Variants in FAM120B observed in about 807,000 individuals in gnomAD.
FAM120B encodes the protein constitutive coactivator of peroxisome proliferator-activated receptor gamma.
In FAM120B, 83 loss-of-function variants were observed where a neutral mutation model predicts 96.3. The ratio of observed to expected loss-of-function variants is 0.86; its 90% CI spans 0.72 to 1.03. The LOEUF (loss-of-function observed/expected upper bound fraction) is 1.03. Among genes scored for constraint, FAM120B ranks in the 50% least tolerant of loss-of-function variants. The pLI, the probability that FAM120B is intolerant of heterozygous loss-of-function variation, is 0.00. For missense variants in FAM120B, 1,027 were observed against 1,121.2 expected, an observed-to-expected ratio of 0.92 and a Z score of 1.20; for synonymous variants, 407 against 402.7, an observed-to-expected ratio of 1.01 and a Z score of -0.13.
In FAM120B at chr6:170,404,820, C is replaced by G; in HGVS notation, c.*69C>G. 1 of 539,404 alleles carries G rather than the reference C, an allele frequency of 1.9e-6. No individual in the cohort carries two copies. Among genetic ancestry groups the G allele is most frequent in the Non-Finnish European group, 3.3e-6 (1 of 304,014 alleles). 33.4% of individuals were successfully genotyped at this position (539,404 alleles called of 1,614,324 possible). On this transcript the variant is annotated 3_prime_UTR_variant, in exon 11 of 11. Coordinates refer to ENST00000476287, the MANE Select transcript of FAM120B (RefSeq NM_032448.3). Reference sequence around the variant, plus strand: ...GACGCAGAGCCCTGCCAGCGCCCTCCTCTGCTGTTGCAGCTGCAAGGAGAC... The same window carrying G: ...GACGCAGAGCCCTGCCAGCGCCCTCGTCTGCTGTTGCAGCTGCAAGGAGAC...
intron 4 of FAM120B, among the ~76,000 whole-genome samples, chr6:170,342,651 C>T (rs556960603): frequency 2.0e-5 from 3 of 152,290 alleles, no homozygotes; most frequent in African/African-American, 7.2e-5. Context: ...TTCTGCATGG[C>T]CCCCTGGGGC....
chr6:170,394,973 G>A (rs1014597388), intron 8 of FAM120B, among the ~76,000 whole-genome samples: 21 of 152,262 alleles, frequency 1.4e-4, no homozygotes, highest in Non-Finnish European at 4.4e-5. Context: ...AATCACATGA[G>A]TTTGTATGTA....
intron 1 of FAM120B, 70 bp from the exon 2 acceptor site, chr6:170,317,300 T>G: frequency 8.2e-7 from 1 of 1,225,336 alleles, no homozygotes; most frequent in Non-Finnish European, 1.2e-6. Context: ...AACTACTGTG[T>G]TTGCTTTGAA....
chr6:170,337,597 A>G (rs1348643126), intron 4 of FAM120B, among the ~76,000 whole-genome samples: 2 of 152,206 alleles, frequency 1.3e-5, no homozygotes, highest in Non-Finnish European at 2.9e-5. Flanking sequence ...ATAGTTTCAG[A>G]AGGAATGGTA....
At position 170,317,889 on chromosome 6, in the gene FAM120B, G is replaced by A. The variant is rs1427933888; in HGVS notation, c.499G>A (p.Gly167Ser). ...AGCAGATTATGAGGTAGCTTCCTAT[G>A]GCCTCCAGCATAACTGTCTTGGGAT... is the stretch of plus-strand genomic sequence containing the variant. ...QEADYEVASYGLQHNCLGILG... is the reference protein window; with the variant it reads ...QEADYEVASYSLQHNCLGILG... Residue 167 changes from glycine to serine, a missense_variant, in exon 2 of 11, where the codon GGC (glycine) becomes AGC (serine). This residue lies in a region of FAM120B where 880 missense variants were observed against 980.9 expected (regional missense o/e 0.90). Coordinates refer to ENST00000476287, the MANE Select transcript of FAM120B (RefSeq NM_032448.3). The A allele has an allele frequency of 8.7e-6, 14 of 1,614,204 alleles. No individual in the cohort carries two copies. The highest frequency in any genetic ancestry group is 1.1e-5 in the Non-Finnish European group (13 of 1,180,024).
At position 170,318,819 on chromosome 6, in the gene FAM120B, A is replaced by G. The variant is rs751110073; in HGVS notation, c.1429A>G (p.Thr477Ala). ...ATCCAGGCAAGAAGTTCCCATGTAT[A>G]CAGGCCCTGAATCCAGGCAAGAAGT... ...PESRQEVPMYTGPESRQEVLI... is the reference protein window; with the variant it reads ...PESRQEVPMYAGPESRQEVLI... Residue 477 changes from threonine to alanine, a missense_variant, in exon 2 of 11, where the codon ACA becomes GCA. Around this residue, in one of 3 missense-constraint regions of FAM120B, gnomAD observed 880 missense variants for 980.9 expected, o/e 0.90. Transcript: ENST00000476287. The G allele has an allele frequency of 6.2e-7, 1 of 1,614,200 alleles. No individual in the cohort carries two copies. Among genetic ancestry groups the G allele is most frequent in the Non-Finnish European group, 8.5e-7 (1 of 1,180,036 alleles).
At position 170,405,835 on chromosome 6, in the gene FAM120B, T is replaced by C. The variant is rs916110430; in HGVS notation, c.*1084T>C. On this transcript the variant is annotated 3_prime_UTR_variant, in exon 11 of 11. Coordinates refer to ENST00000476287, the MANE Select transcript of FAM120B (RefSeq NM_032448.3). ...CATTTTGCCAGGGCCTGGCTCAGGA[T>C]TTTTTATGGCAGTGCCTGTGAAGAC... 5 of 152,148 alleles carry C rather than the reference T, an allele frequency of 3.3e-5. No individual in the cohort carries two copies. The East Asian group carries it at 5.8e-4, about 18-fold the overall frequency. 9.4% of individuals were successfully genotyped at this position (152,148 alleles called of 1,614,324 possible).
intron 3 of FAM120B, among the ~76,000 whole-genome samples, chr6:170,327,736 C>G (rs192466776): frequency 7.0e-6 from 1 of 142,638 alleles, no homozygotes; most frequent in East Asian, 2.2e-4. Context: ...CAGGCTGCTC[C>G]GGTGAGTCCA....
At chr6:170,332,982 A>C (rs1786160737) in intron 4 of FAM120B, among the ~76,000 whole-genome samples, 1 of 152,180 alleles carries the variant, frequency 6.6e-6, no homozygotes. Context: ...TGTAGAAATA[A>C]AAGGAAATCA....
chr6:170,400,425 G>A (rs945301766), intron 9 of FAM120B, among the ~76,000 whole-genome samples: 2 of 152,138 alleles, frequency 1.3e-5, no homozygotes, highest in African/African-American at 4.8e-5. Context: ...AAGAGTCACA[G>A]GCTTTTCTTT....
At chr6:170,386,797 G>A (rs1411784072) in intron 6 of FAM120B, among the ~76,000 whole-genome samples, 2 of 152,162 alleles carry the variant, frequency 1.3e-5, no homozygotes, top group Non-Finnish European at 2.9e-5. Flanking sequence ...GACATCACAA[G>A]AAATAGAAAT....
chr6:170,364,538 A>G (rs947233980), intron 6 of FAM120B, among the ~76,000 whole-genome samples: 4 of 152,208 alleles, frequency 2.6e-5, no homozygotes, highest in African/African-American at 7.2e-5. Context: ...GATACCTGCA[A>G]TTTAAAAGTA....
At chr6:170,389,851 G>A (rs1428597410) in intron 7 of FAM120B, among the ~76,000 whole-genome samples, 1 of 152,064 alleles carries the variant, frequency 6.6e-6, no homozygotes, top group Non-Finnish European at 1.5e-5. Flanking sequence ...GTGAGCCACC[G>A]CGACCAGCCC....
chr6:170,351,818 C>G (rs1465544272), intron 5 of FAM120B, among the ~76,000 whole-genome samples: 1 of 152,202 alleles, frequency 6.6e-6, no homozygotes, highest in Non-Finnish European at 1.5e-5. Context: ...AAAACTATTA[C>G]CAGCCACTAC....
chr6:170,401,038 G>A (rs1322495804), intron 9 of FAM120B, among the ~76,000 whole-genome samples: 1 of 152,236 alleles, frequency 6.6e-6, no homozygotes, highest in East Asian at 1.9e-4. Context: ...TGTTAGCAGA[G>A]AACAGTGTCC....
intron 6 of FAM120B, among the ~76,000 whole-genome samples, chr6:170,359,489 C>G (rs1451668458): frequency 6.6e-6 from 1 of 151,934 alleles, no homozygotes; most frequent in Non-Finnish European, 1.5e-5. Flanking sequence ...AGTCCCTGCT[C>G]ACTGCAACCT....
chr6:170,388,223 A>T, intron 6 of FAM120B, 64 bp from the exon 7 acceptor site: 1 of 1,406,326 alleles, frequency 7.1e-7, no homozygotes, highest in South Asian at 1.2e-5. Context: ...TGCAGAGCTG[A>T]GATCTGTTTC....
chr6:170,331,631 A>G (rs1214680727), intron 4 of FAM120B, among the ~76,000 whole-genome samples: 4 of 152,234 alleles, frequency 2.6e-5, no homozygotes, highest in Admixed American at 2.0e-4. Context: ...ATCTTATAGT[A>G]TCTTTCCAAA....
chr6:170,348,432 C>A, intron 5 of FAM120B, 109 bp downstream of exon 5: 1 of 979,342 alleles, frequency 1.0e-6, no homozygotes, highest in Non-Finnish European at 1.5e-6. Context: ...TTTCCAATGT[C>A]TGTTCCATGG....
Sources: gnomAD v4.1 joint callset for allele counts (sites outside exome capture counted in the v4.1 genomes callset) on GRCh38, gnomAD v4.1.1 for gene constraint, gnomAD v4.1.1 regional missense constraint, MANE v1.5 for transcripts, NCBI Gene and HGNC (gene_info 2026-07-23, HGNC 2026-07-21) for gene names.